RNF38: variants seen among roughly 807,000 people sequenced by gnomAD.
RNF38 encodes ring finger protein 38, also known as E3 ubiquitin-protein ligase RNF38.
RNF38 carries 15 observed loss-of-function variants against 67.2 expected under a neutral mutation model. That is an observed-to-expected ratio of 0.22 (90% confidence interval 0.15 to 0.34). The LOEUF (loss-of-function observed/expected upper bound fraction) is 0.34. Among genes scored for constraint, RNF38 ranks in the 10% least tolerant of loss-of-function variants. The probability of loss-of-function intolerance (pLI) is 1.00; values close to 1 mark genes in which losing one functional copy is unlikely to be tolerated. For missense variants in RNF38, 524 were observed against 639.9 expected (o/e 0.82, Z 1.95); for synonymous variants, 220 against 218.8 (o/e 1.01, Z -0.05).
In RNF38 at chr9:36,357,959, A is replaced by T. The variant is rs771715490; in HGVS notation, c.571-17T>A. On this transcript the variant is annotated splice_polypyrimidine_tract_variant and intron_variant, in intron 4 of 11. Coordinates refer to ENST00000259605, the MANE Select transcript of RNF38 (RefSeq NM_022781.5). ...TTGATGGAGCTTTAAAGGAAAAAAC[A>T]AATGAACAAACTTTAGCTGTTTAGA... 6 of 1,601,714 alleles carry T rather than the reference A, an allele frequency of 3.7e-6. No individual in the cohort carries two copies. Among genetic ancestry groups the T allele is most frequent in the Non-Finnish European group, 5.1e-6 (6 of 1,172,276 alleles).
chr9:36,447,112 G>A (rs1015787814), intron 1 of RNF38, among the ~76,000 whole-genome samples: 2 of 148,136 alleles, frequency 1.4e-5, no homozygotes, highest in African/African-American at 2.5e-5. Flanking sequence ...GGGCAACAGG[G>A]CAAGACTGTC....
At chr9:36,470,360 T>C (rs1380191935) in intron 1 of RNF38, among the ~76,000 whole-genome samples, 1 of 152,106 alleles carries the variant, frequency 6.6e-6, no homozygotes, top group Admixed American at 6.5e-5. Flanking sequence ...CCACACAGTG[T>C]CTGAGTGGTT....
chr9:36,388,012 A>G (rs1473148902), intron 2 of RNF38, among the ~76,000 whole-genome samples: 3 of 152,226 alleles, frequency 2.0e-5, no homozygotes, highest in Non-Finnish European at 4.4e-5. Context: ...CAGATACACT[A>G]GTAGGGATGA....
At position 36,369,798 on chromosome 9, in the gene RNF38, G is replaced by A. The variant is rs748256238; in HGVS notation, c.491C>T (p.Pro164Leu). 4.3e-6 allele frequency: 7 copies of A among 1,614,000 alleles called. No homozygotes were observed. Among genetic ancestry groups the A allele is most frequent in the East Asian group, 2.2e-5 (1 of 44,864 alleles). ...AIEEPRAFHP[P>L]NVSPRLLHPA... ...ATGTAGCAGACGGGGAGATACATTC[G>A]GAGGGTGGAAGGCTCGAGGCTCCTC... The change falls in exon 4 of 12, where the codon CCG (proline) becomes CTG (leucine). Residue 164 changes from proline to leucine, a missense_variant. Pro to Leu is a moderately conservative substitution (Grantham distance 98). This residue lies in a region of RNF38 where 461 missense variants were observed against 517.4 expected (regional missense o/e 0.89). Coordinates refer to ENST00000259605, the MANE Select transcript of RNF38 (RefSeq NM_022781.5).
At chr9:36,352,321 A>T (rs1833755808) in intron 8 of RNF38, among the ~76,000 whole-genome samples, 1 of 151,852 alleles carries the variant, frequency 6.6e-6, no homozygotes, top group Non-Finnish European at 1.5e-5. Flanking sequence ...AAAAAAAAAA[A>T]CAACAAACCT....
chr9:36,426,444 A>C (rs1444283864), intron 1 of RNF38, among the ~76,000 whole-genome samples: 2 of 152,216 alleles, frequency 1.3e-5, no homozygotes, highest in African/African-American at 4.8e-5. Flanking sequence ...AATCAGGTTC[A>C]TTCACCTACC....
At chr9:36,392,609 A>T (rs1364597826) in intron 1 of RNF38, among the ~76,000 whole-genome samples, 1 of 152,140 alleles carries the variant, frequency 6.6e-6, no homozygotes, top group Non-Finnish European at 1.5e-5. Flanking sequence ...AAATTAAAAA[A>T]ATTAAATTAG....
chr9:36,460,716 C>T (rs2134372285), intron 1 of RNF38, among the ~76,000 whole-genome samples: 1 of 151,548 alleles, frequency 6.6e-6, no homozygotes, highest in East Asian at 1.9e-4. Context: ...GGAGAAACCC[C>T]ATCTCTACTA....
intron 1 of RNF38, among the ~76,000 whole-genome samples, chr9:36,461,299 A>G (rs1321462882): frequency 6.6e-6 from 1 of 152,230 alleles, no homozygotes; most frequent in African/African-American, 2.4e-5. Flanking sequence ...GCTGTATGCT[A>G]TAAAGGAAAA....
At position 36,388,146 on chromosome 9, in the gene RNF38, C is replaced by A. The variant is rs73648748; in HGVS notation, c.162+2321G>T. Among the ~76,000 whole-genome samples the A allele has an allele frequency of 3.8e-3, 572 of 152,008 alleles. 3 individuals are homozygous for A. Among genetic ancestry groups the A allele is most frequent in the African/African-American group, 0.013 (548 of 41,452 alleles). On this transcript the variant is annotated intron_variant, in intron 2 of 11. Coordinates refer to ENST00000259605, the MANE Select transcript of RNF38 (RefSeq NM_022781.5). ...AACCATACAGAAAAACAAAAGGATA[C>A]TGAAGAGAGATGTACGTGAGGCACA...
intron 1 of RNF38, among the ~76,000 whole-genome samples, chr9:36,464,101 T>C (rs1468399121): frequency 6.6e-6 from 1 of 151,606 alleles, no homozygotes; most frequent in Non-Finnish European, 1.5e-5. Context: ...GAGGTGGAGA[T>C]TGCAGTGAGC....
At chr9:36,378,287 C>T (rs991267538) in intron 2 of RNF38, among the ~76,000 whole-genome samples, 3 of 151,482 alleles carry the variant, frequency 2.0e-5, no homozygotes, top group Admixed American at 2.0e-4. Context: ...AGTGGTTCTC[C>T]TCCCTCAGCC....
rs552985386 is a variant in RNF38 at position 36,455,841 on chromosome 9, G to C, written n.242-31158C>G. Among the ~76,000 whole-genome samples, 10 of 151,550 alleles carry C rather than the reference G, an allele frequency of 6.6e-5. No individual in the cohort carries two copies. In the South Asian group the frequency reaches 1.9e-3, roughly 29 times the overall value. On this transcript the variant is annotated intron_variant and non_coding_transcript_variant, in intron 1 of 3. Coordinates refer to the RNF38 transcript ENST00000488058. Reference sequence around the variant, plus strand: ...CAGGAGAATCGCTTGAATCTGGGGGGCGGAGGTTGCAGTGAGCCGAGACCA... The same window carrying C: ...CAGGAGAATCGCTTGAATCTGGGGGCCGGAGGTTGCAGTGAGCCGAGACCA...
intron 1 of RNF38, among the ~76,000 whole-genome samples, chr9:36,436,086 G>A (rs570681980): frequency 6.6e-6 from 1 of 152,180 alleles, no homozygotes; most frequent in Non-Finnish European, 1.5e-5. Context: ...TGAGGCTACA[G>A]GCACTTAATA....
At chr9:36,399,502 TATA>T (rs1336987599) in intron 1 of RNF38, among the ~76,000 whole-genome samples, 7 of 148,118 alleles carry the variant, frequency 4.7e-5, no homozygotes, top group African/African-American at 9.8e-5. Context: ...TAATATATTA[TATA>T]ATACCATATT....
At chr9:36,404,054 A>G (rs1326213096), upstream of RNF38, among the ~76,000 whole-genome samples, 2 of 152,198 alleles carry the variant, frequency 1.3e-5, no homozygotes, top group Middle Eastern at 3.4e-3. Context: ...ACATTCACCT[A>G]TATTATTTCC....
At chr9:36,455,897 C>T (rs1217963142) in intron 1 of RNF38, among the ~76,000 whole-genome samples, 1 of 125,796 alleles carries the variant, frequency 7.9e-6, no homozygotes, top group Non-Finnish European at 1.5e-5. Flanking sequence ...GGTGACAGAG[C>T]AAGACTCCAC....
intron 2 of RNF38, among the ~76,000 whole-genome samples, chr9:36,386,455 GT>G: frequency 6.6e-6 from 1 of 152,298 alleles, no homozygotes; most frequent in Admixed American, 6.5e-5. Context: ...TTCTCTATGT[GT>G]ATAGCTTTTC....
chr9:36,345,867 T>C (rs1446286826), intron 9 of RNF38, among the ~76,000 whole-genome samples: 3 of 152,182 alleles, frequency 2.0e-5, no homozygotes, highest in Admixed American at 1.3e-4. Context: ...ATCTGCTAAA[T>C]GAACCTCCCA....
Sources: gnomAD v4.1 joint callset for allele counts (sites outside exome capture counted in the v4.1 genomes callset) on GRCh38, gnomAD v4.1.1 for gene constraint, gnomAD v4.1.1 regional missense constraint, MANE v1.5 for transcripts, NCBI Gene and HGNC (gene_info 2026-07-23, HGNC 2026-07-21) for gene names.